GREB1L: variants seen among roughly 807,000 people sequenced by gnomAD.
GREB1L encodes GREB1-like protein.
GREB1L carries 17 observed loss-of-function variants against 200.8 expected under a neutral mutation model. The observed-to-expected ratio is 0.08, with a 90% confidence interval of 0.06 to 0.13. The LOEUF is 0.13. GREB1L is among the 10% of genes least tolerant of loss of function. The pLI, the probability that GREB1L is intolerant of heterozygous loss-of-function variation, is 1.00. For missense variants in GREB1L, 1,657 were observed against 2,367.7 expected (o/e 0.70, Z 6.23); for synonymous variants, 789 against 893.0 (o/e 0.88, Z 2.08).
At chr18:21,406,591 C>T (rs1333194679) in intron 7 of GREB1L, among the ~76,000 whole-genome samples, 1 of 152,100 alleles carries the variant, frequency 6.6e-6, no homozygotes. Context: ...ATTATGATAC[C>T]ATTGCAAATA....
intron 1 of GREB1L, among the ~76,000 whole-genome samples, chr18:21,288,623 CT>C (rs1437288948): frequency 6.6e-6 from 1 of 152,040 alleles, no homozygotes; most frequent in Non-Finnish European, 1.5e-5. Context: ...AGTCTAAGAA[CT>C]TTTGTGCAGG....
intron 16 of GREB1L, among the ~76,000 whole-genome samples, chr18:21,476,013 C>A (rs758182632): frequency 5.1e-5 from 7 of 138,522 alleles, no homozygotes; most frequent in Non-Finnish European, 1.1e-4. Flanking sequence ...AAATATGGAT[C>A]CATATTTGCT....
intron 1 of GREB1L, among the ~76,000 whole-genome samples, chr18:21,365,359 A>G (rs1567953068): frequency 6.6e-6 from 1 of 152,112 alleles, no homozygotes; most frequent in Non-Finnish European, 1.5e-5. Flanking sequence ...TTACAACTAT[A>G]TTTCCTATTT....
At chr18:21,377,813 G>A (rs2040135941) in intron 2 of GREB1L, among the ~76,000 whole-genome samples, 2 of 152,020 alleles carry the variant, frequency 1.3e-5, no homozygotes, top group Non-Finnish European at 1.5e-5. Flanking sequence ...GGGAGCCTGA[G>A]GCAGGAGAGT....
intron 7 of GREB1L, among the ~76,000 whole-genome samples, chr18:21,418,536 G>GTTTT (rs2144823977): frequency 6.6e-6 from 1 of 150,566 alleles, no homozygotes; most frequent in Non-Finnish European, 1.5e-5. Flanking sequence ...GTTTTGTTTT[G>GTTTT]TTTTTGAGAC....
At chr18:21,307,748 C>T (rs868577359) in intron 1 of GREB1L, among the ~76,000 whole-genome samples, 7 of 151,982 alleles carry the variant, frequency 4.6e-5, no homozygotes, top group Non-Finnish European at 8.8e-5. Flanking sequence ...GCAGGAGACT[C>T]GGGGGCGGGG....
chr18:21,477,785 C>CAAA (rs560513738), intron 17 of GREB1L, among the ~76,000 whole-genome samples: 4 of 107,648 alleles, frequency 3.7e-5, no homozygotes, highest in Admixed American at 1.7e-4. Flanking sequence ...GACTCCGTCT[C>CAAA]AAAAAAAAAA....
chr18:21,456,355 T>TG (rs2034764247), intron 15 of GREB1L, among the ~76,000 whole-genome samples: 3 of 152,328 alleles, frequency 2.0e-5, no homozygotes, highest in African/African-American at 7.2e-5. Context: ...ACACAAAGGA[T>TG]AAATACTTCA....
chr18:21,423,619 G>A (rs1257420337), intron 7 of GREB1L, among the ~76,000 whole-genome samples: 2 of 152,196 alleles, frequency 1.3e-5, no homozygotes, highest in African/African-American at 4.8e-5. Context: ...CGGCAGTTTG[G>A]GAGGCCAAGG....
rs572869034 is a variant in GREB1L at position 21,292,577 on chromosome 18, T to A, written c.-120+50184T>A. 3.9e-5 allele frequency among the ~76,000 whole-genome samples: 6 copies of A among 152,360 alleles called. No individual in the cohort carries two copies. The East Asian group carries it at 1.2e-3, about 29-fold the overall frequency. On this transcript the variant is annotated intron_variant, in intron 1 of 32. Transcript: ENST00000424526. ...TATTTTCTGTGTTTGTGGGTTCACC[T>A]ATTCTGAATGTTTCATTGGAATTAT...
chr18:21,379,282 C>G (rs1297325142), intron 2 of GREB1L, among the ~76,000 whole-genome samples: 1 of 152,146 alleles, frequency 6.6e-6, no homozygotes, highest in Non-Finnish European at 1.5e-5. Flanking sequence ...TCTTGGCTCA[C>G]CACAACCTCC....
intron 4 of GREB1L, chr18:21,387,577 T>C (rs2040597559): frequency 6.6e-6 from 1 of 152,218 alleles, no homozygotes; most frequent in South Asian, 2.1e-4. Context: ...AACCAGATCT[T>C]CTCGTAGCCT....
chr18:21,437,560 T>A (rs1362831067), intron 7 of GREB1L, among the ~76,000 whole-genome samples: 1 of 151,854 alleles, frequency 6.6e-6, no homozygotes, highest in Non-Finnish European at 1.5e-5. Flanking sequence ...ACAGTACTTA[T>A]AACTCTTGCC....
At chr18:21,373,293 G>A (rs914155190) in intron 2 of GREB1L, among the ~76,000 whole-genome samples, 1 of 152,076 alleles carries the variant, frequency 6.6e-6, no homozygotes, top group African/African-American at 2.4e-5. Context: ...TTTTTCATTA[G>A]GGGTTACAAA....
intron 11 of GREB1L, 67 bp from the exon 12 acceptor site, chr18:21,449,443 A>T: frequency 1.1e-6 from 1 of 932,266 alleles, no homozygotes; most frequent in Non-Finnish European, 1.6e-6. Context: ...GCAGGAAAGC[A>T]TATGGGTGTG....
At chr18:21,363,802 T>C (rs570866398) in intron 1 of GREB1L, 1 of 152,208 alleles carries the variant, frequency 6.6e-6, no homozygotes, top group Non-Finnish European at 1.5e-5. Context: ...TTTATAAACA[T>C]CTTGGAAATC....
chr18:21,524,147 T>C lies in GREB1L; in HGVS notation c.*1326T>C, dbSNP rs1469355144. On this transcript the variant is annotated 3_prime_UTR_variant, in exon 33 of 33. Coordinates refer to ENST00000424526, the MANE Select transcript of GREB1L (RefSeq NM_001142966.3). ...TTTACTACTTTATCCCCACTTAAAA[T>C]GGCCATTTTTACTTGAATCAATCTT... 2 of 152,228 alleles carry C rather than the reference T, an allele frequency of 1.3e-5. No homozygotes were observed. The highest frequency in any genetic ancestry group is 2.9e-5 in the Non-Finnish European group (2 of 68,036). 9.4% of individuals were successfully genotyped at this position (152,228 alleles called of 1,614,324 possible). A position where few individuals can be genotyped will look rare whatever the true frequency, so the allele number is the denominator to read the frequency against.
chr18:21,290,044 G>T (rs929775911), intron 1 of GREB1L, among the ~76,000 whole-genome samples: 1 of 152,196 alleles, frequency 6.6e-6, no homozygotes, highest in Non-Finnish European at 1.5e-5. Flanking sequence ...CCTTGTCTCT[G>T]TGATTGCTGA....
At chr18:21,348,094 A>G (rs1055271030) in intron 1 of GREB1L, among the ~76,000 whole-genome samples, 22 of 150,894 alleles carry the variant, frequency 1.5e-4, no homozygotes, top group African/African-American at 4.9e-4. Flanking sequence ...ACAGGCACCC[A>G]CCACCATGCC....
Sources: allele counts gnomAD v4.1 joint callset (sites outside exome capture counted in the v4.1 genomes callset), GRCh38; gene constraint gnomAD v4.1.1; transcripts MANE v1.5; gene names NCBI Gene and HGNC (gene_info 2026-07-23, HGNC 2026-07-21).